PADI4: variants seen among roughly 807,000 people sequenced by gnomAD.
PADI4 encodes the protein peptidyl arginine deiminase 4.
PADI4 carries 62 observed loss-of-function variants against 75.0 expected under a neutral mutation model. The observed-to-expected ratio is 0.83, with a 90% confidence interval of 0.67 to 1.02. The LOEUF is 1.02. Among genes scored for constraint, PADI4 ranks in the 50% least tolerant of loss-of-function variants. PADI4 has a pLI of 0.00. For missense variants in PADI4, 845 were observed against 850.5 expected, an observed-to-expected ratio of 0.99 and a Z score of 0.08; for synonymous variants, 361 against 348.1, an observed-to-expected ratio of 1.04 and a Z score of -0.41.
intron 2 of PADI4, among the ~76,000 whole-genome samples, chr1:17,332,501 C>G (rs1002638781): frequency 2.6e-5 from 4 of 152,154 alleles, no homozygotes; most frequent in African/African-American, 9.7e-5. Flanking sequence ...CCACTCACCT[C>G]GGCCTCCCAA....
At chr1:17,342,504 G>C in intron 8 of PADI4, 102 bp downstream of exon 8, 1 of 697,492 alleles carries the variant, frequency 1.4e-6, no homozygotes, top group South Asian at 1.8e-5. Context: ...CCCCTCCCCT[G>C]CCCACTGAGA....
At chr1:17,334,371 C>T (rs538168169) in intron 3 of PADI4, 33 of 455,646 alleles carry the variant, frequency 7.2e-5, no homozygotes, top group South Asian at 3.4e-4. Context: ...GGCATGATCT[C>T]GGCTCACTGC....
At position 17,330,981 on chromosome 1, in the gene PADI4, G is replaced by A; in HGVS notation, c.105G>A (p.Glu35=). 2 of 1,582,226 alleles carry A rather than the reference G, an allele frequency of 1.3e-6. No homozygotes were observed. Among genetic ancestry groups the A allele is most frequent in the South Asian group, 2.3e-5 (2 of 86,214 alleles). Residue 35 remains glutamate, a synonymous_variant, in exon 2 of 16, where the codon GAG becomes GAA. Coordinates refer to ENST00000375448, the MANE Select transcript of PADI4 (RefSeq NM_012387.3). ...TQLDICSSAP[E]DCTSFSINAS... Reference sequence around the variant, plus strand: ...GTCTTGTCCACAGCTCTGCCCCTGAGGACTGCACGTCCTTCAGCATCAACG... The same window carrying A: ...GTCTTGTCCACAGCTCTGCCCCTGAAGACTGCACGTCCTTCAGCATCAACG...
At chr1:17,343,881 T>G (rs1338675599) in intron 8 of PADI4, among the ~76,000 whole-genome samples, 1 of 152,050 alleles carries the variant, frequency 6.6e-6, no homozygotes, top group Non-Finnish European at 1.5e-5. Flanking sequence ...AGCGTGAAAA[T>G]GGACTAATAC....
chr1:17,308,560 G>C (rs902271204), intron 1 of PADI4, among the ~76,000 whole-genome samples: 8 of 152,108 alleles, frequency 5.3e-5, no homozygotes, highest in Admixed American at 5.2e-4. Flanking sequence ...ATTATTATGG[G>C]GCAAACCAGG....
chr1:17,341,393 C>T (rs1346029077), intron 6 of PADI4, among the ~76,000 whole-genome samples: 1 of 152,200 alleles, frequency 6.6e-6, no homozygotes, highest in Admixed American at 6.5e-5. Flanking sequence ...GCCACCACAC[C>T]CGGCCTGTTT....
At chr1:17,340,725 GT>G (rs34686723) in intron 6 of PADI4, among the ~76,000 whole-genome samples, 17 of 142,918 alleles carry the variant, frequency 1.2e-4, no homozygotes, top group South Asian at 2.3e-4. Context: ...CCATGGGAGG[GT>G]TTTTTTTTTG....
chr1:17,355,538 CAAAA>C (rs11364408), intron 11 of PADI4, among the ~76,000 whole-genome samples: 8 of 134,760 alleles, frequency 5.9e-5, no homozygotes, highest in Non-Finnish European at 1.3e-4. Flanking sequence ...GACTCTGTCT[CAAAA>C]AAAAAAAAAA....
intron 10 of PADI4, among the ~76,000 whole-genome samples, chr1:17,349,714 A>AAG (rs1557573563): frequency 2.6e-5 from 3 of 116,354 alleles, no homozygotes; most frequent in Non-Finnish European, 1.9e-5. Context: ...AAAAAAAAAA[A>AAG]AAAGAAAGAA....
At chr1:17,360,492 C>G (rs1362107379) in intron 15 of PADI4, among the ~76,000 whole-genome samples, 2 of 152,134 alleles carry the variant, frequency 1.3e-5, no homozygotes, top group Non-Finnish European at 2.9e-5. Context: ...GAGTCTTTTT[C>G]TAAGATGGAG....
At position 17,346,181 on chromosome 1, in the gene PADI4, G is replaced by A. The variant is rs376699999; in HGVS notation, c.1047+42G>A. 3.0e-6 allele frequency: 4 copies of A among 1,343,378 alleles called. No homozygotes were observed. In the African/African-American group the frequency reaches 5.8e-5, roughly 19 times the overall value. 83.2% of individuals were successfully genotyped at this position (1,343,378 alleles called of 1,614,324 possible). On this transcript the variant is annotated intron_variant, in intron 9 of 15. Transcript: ENST00000375448. The surrounding 1 kb of genome is among the most constrained non-coding windows in gnomAD (Gnocchi z 4.3). ...GCAGGCAGGGTGACTGTCCCTGAGG[G>A]CCAAGAGACACTTGGGGGACCCGGG...
Position 17,356,470 on chromosome 1 carries a change from C to T in PADI4, c.1558+11C>T. The T allele has an allele frequency of 1.3e-6, 2 of 1,522,564 alleles. No homozygotes were observed. The highest frequency in any genetic ancestry group is 1.8e-6 in the Non-Finnish European group (2 of 1,099,078). 94.3% of individuals were successfully genotyped at this position (1,522,564 alleles called of 1,614,324 possible). A position where few individuals can be genotyped will look rare whatever the true frequency, so the allele number is the denominator to read the frequency against. On this transcript the variant is annotated intron_variant, in intron 13 of 15. Transcript: ENST00000375448. The surrounding 1 kb of genome is among the most constrained non-coding windows in gnomAD (Gnocchi z 4.1). ...TCGAAGGGATCAAGAGTAAGTCGGCCCTGCCTTGTTCTCCTGTCTGTGCAC... is the reference window on the plus strand; with the variant it reads ...TCGAAGGGATCAAGAGTAAGTCGGCTCTGCCTTGTTCTCCTGTCTGTGCAC...
intron 11 of PADI4, among the ~76,000 whole-genome samples, chr1:17,355,065 G>C (rs771175487): frequency 5.3e-5 from 8 of 152,212 alleles, no homozygotes; most frequent in Non-Finnish European, 1.0e-4. Flanking sequence ...GGCACGGGAG[G>C]AATAGGAACT....
chr1:17,312,617 G>C (rs555835248), intron 1 of PADI4, among the ~76,000 whole-genome samples: 125 of 152,278 alleles, frequency 8.2e-4, no homozygotes, highest in Middle Eastern at 3.4e-3. Flanking sequence ...CTTATGCCTT[G>C]AGCTCAGGGA....
Position 17,342,129 on chromosome 1 carries a change from G to A in PADI4, c.831+8G>A, listed in dbSNP as rs772373848. 2.9e-5 allele frequency: 47 copies of A among 1,612,798 alleles called. No homozygotes were observed. The highest frequency in any genetic ancestry group is 3.4e-5 in the Non-Finnish European group (40 of 1,179,264). On this transcript the variant is annotated splice_region_variant and intron_variant, in intron 7 of 15. Transcript: ENST00000375448. Reference sequence around the variant, plus strand: ...CTGGACACGTCCAACCTGGTAGGCCGAGAAGGCAGCCCTGCATCGGGGGCC... The same window carrying A: ...CTGGACACGTCCAACCTGGTAGGCCAAGAAGGCAGCCCTGCATCGGGGGCC...
chr1:17,338,000 C>T, intron 4 of PADI4, 38 bp from the exon 5 acceptor site: 1 of 1,256,490 alleles, frequency 8.0e-7, no homozygotes, highest in Non-Finnish European at 1.2e-6. Flanking sequence ...GGGCTCTATG[C>T]TAGTTTCTGA....
At chr1:17,352,855 G>A (rs965328423) in intron 10 of PADI4, among the ~76,000 whole-genome samples, 3 of 152,186 alleles carry the variant, frequency 2.0e-5, no homozygotes, top group Admixed American at 6.5e-5. Flanking sequence ...CCAGAGATGC[G>A]AACATGAGGG....
At chr1:17,345,883 T>G (rs563802273) in intron 8 of PADI4, 145 bp from the exon 9 acceptor site, 4 of 598,892 alleles carry the variant, frequency 6.7e-6, no homozygotes, top group Non-Finnish European at 1.2e-5. Flanking sequence ...AGCTAATGCC[T>G]GCTAAGAGCA....
chr1:17,336,290 G>A (rs1276853592), intron 4 of PADI4, 64 bp downstream of exon 4: 12 of 1,223,732 alleles, frequency 9.8e-6, no homozygotes, highest in Admixed American at 5.1e-5. Context: ...CCCCCTTGTG[G>A]TGATGGGGCA....
Sources: gnomAD v4.1 joint callset for allele counts (sites outside exome capture counted in the v4.1 genomes callset) on GRCh38, gnomAD v4.1.1 for gene constraint, Gnocchi (gnomAD v3.1) non-coding constraint, MANE v1.5 for transcripts, NCBI Gene and HGNC (gene_info 2026-07-23, HGNC 2026-07-21) for gene names.